CNTLN: variants seen among roughly 807,000 people sequenced by gnomAD.
The protein encoded by CNTLN is centlein, centrosomal protein.
Under a neutral mutation model 180.0 loss-of-function variants are expected in CNTLN, and 212 were observed. That is an observed-to-expected ratio of 1.18 (90% CI 1.05 to 1.32). The LOEUF is 1.32. Ranked by LOEUF, CNTLN falls within the 40% of genes most tolerant of loss-of-function variation. The pLI, the probability that CNTLN is intolerant of heterozygous loss-of-function variation, is 0.00. For missense variants in CNTLN, 2,095 were observed against 1,610.9 expected (o/e 1.30, Z -5.14); for synonymous variants, 722 against 563.1 (o/e 1.28, Z -3.99).
chr9:17,434,990 A>G (rs1229006241), intron 18 of CNTLN, among the ~76,000 whole-genome samples: 1 of 152,188 alleles, frequency 6.6e-6, no homozygotes, highest in Non-Finnish European at 1.5e-5. Flanking sequence ...TTTGTCTTTC[A>G]TTATTAAAAG....
chr9:17,253,589 A>G (rs1235446272), intron 5 of CNTLN, among the ~76,000 whole-genome samples: 1 of 151,288 alleles, frequency 6.6e-6, no homozygotes, highest in African/African-American at 2.4e-5. Flanking sequence ...ATGTATGGAA[A>G]TGCTACTTAT....
chr9:17,528,233 C>T, the CNTLN span, among the ~76,000 whole-genome samples: 1 of 152,142 alleles, frequency 6.6e-6, no homozygotes. Context: ...AGCAGCTGTA[C>T]AGTGGAGAAA....
intron 23 of CNTLN, among the ~76,000 whole-genome samples, chr9:17,481,344 C>T (rs7030750): frequency 0.073 from 11,105 of 152,216 alleles, 1,365 homozygotes; most frequent in African/African-American, 0.25. Context: ...AGCTGACAGC[C>T]CCATCCAACC....
chr9:17,201,579 C>T (rs989386851), intron 2 of CNTLN, among the ~76,000 whole-genome samples: 2 of 152,078 alleles, frequency 1.3e-5, no homozygotes, highest in Non-Finnish European at 2.9e-5. Flanking sequence ...TGTATGTGTG[C>T]AGGAATTTAT....
At chr9:17,237,371 ACACAC>A (rs1825213976) in intron 5 of CNTLN, among the ~76,000 whole-genome samples, 4 of 131,672 alleles carry the variant, frequency 3.0e-5, no homozygotes, top group Non-Finnish European at 4.8e-5. Flanking sequence ...ACACACACAC[ACACAC>A]ACACACACAC....
chr9:17,481,078 C>A (rs1268150676), intron 23 of CNTLN, among the ~76,000 whole-genome samples: 2 of 152,084 alleles, frequency 1.3e-5, no homozygotes, highest in Non-Finnish European at 2.9e-5. Flanking sequence ...GCTTACGTAC[C>A]CACCCAGGCA....
At chr9:17,285,023 C>CT (rs1828895484) in intron 6 of CNTLN, among the ~76,000 whole-genome samples, 1 of 148,654 alleles carries the variant, frequency 6.7e-6, no homozygotes, top group African/African-American at 2.5e-5. Context: ...TTTAATTATA[C>CT]TTTAAGTTTT....
chr9:17,336,780 A>C (rs1318508026), intron 10 of CNTLN, among the ~76,000 whole-genome samples: 1 of 152,218 alleles, frequency 6.6e-6, no homozygotes, highest in African/African-American at 2.4e-5. Context: ...ATAGGTGTAC[A>C]TGTGCCATGG....
At chr9:17,345,952 C>T (rs1821847185) in intron 12 of CNTLN, among the ~76,000 whole-genome samples, 1 of 152,094 alleles carries the variant, frequency 6.6e-6, no homozygotes, top group African/African-American at 2.4e-5. Flanking sequence ...AATAAGTTGG[C>T]TGGTAAGAAA....
At chr9:17,332,534 C>A in intron 9 of CNTLN, 71 bp from the exon 10 acceptor site, 2 of 1,382,924 alleles carry the variant, frequency 1.4e-6, no homozygotes, top group Non-Finnish European at 1.9e-6. Flanking sequence ...ATTACTTGTT[C>A]TTTAATTTTG....
rs140400173 is a variant in CNTLN, at chr9:17,365,997, A to G, written c.1887-620A>G. Among the ~76,000 whole-genome samples, 554 of 152,334 alleles carry G rather than the reference A, an allele frequency of 3.6e-3. 1 individual carries two copies. Among genetic ancestry groups the G allele is most frequent in the African/African-American group, 0.012 (491 of 41,576 alleles). ...TTTAATACATAATTTTTAAAATTAT[A>G]TAGTCTGTATTTTAAGTGTTTAGCA... is the stretch of plus-strand genomic sequence containing the variant. On this transcript the variant is annotated intron_variant, in intron 12 of 25. Coordinates refer to ENST00000380647, the MANE Select transcript of CNTLN (RefSeq NM_017738.4).
At chr9:17,271,630 A>G (rs1320434512) in intron 5 of CNTLN, among the ~76,000 whole-genome samples, 2 of 152,178 alleles carry the variant, frequency 1.3e-5, no homozygotes, top group African/African-American at 4.8e-5. Context: ...CTGCTTTATC[A>G]TGATGAATGG....
intron 24 of CNTLN, 40 bp downstream of exon 24, chr9:17,484,520 T>C (rs752808308): frequency 2.3e-5 from 33 of 1,453,838 alleles, no homozygotes; most frequent in Non-Finnish European, 3.1e-5. Flanking sequence ...GGGTTTATTA[T>C]ACACTGGACT....
intron 23 of CNTLN, among the ~76,000 whole-genome samples, chr9:17,478,146 T>C (rs2134277174): frequency 1.3e-5 from 2 of 152,358 alleles, no homozygotes; most frequent in Middle Eastern, 3.4e-3. Context: ...TTAAGATATG[T>C]ACATTTCTTA....
chr9:17,517,678 G>A, the CNTLN span, among the ~76,000 whole-genome samples: 13 of 152,016 alleles, frequency 8.6e-5, no homozygotes, highest in Non-Finnish European at 1.8e-4. Flanking sequence ...CAGACCCATG[G>A]GACATTCTCT....
At chr9:17,268,252 T>A (rs201623491) in intron 5 of CNTLN, among the ~76,000 whole-genome samples, 175 of 152,314 alleles carry the variant, frequency 1.1e-3, no homozygotes, top group Non-Finnish European at 1.7e-3. Context: ...TTTCCTTCTA[T>A]CAGACAGGAC....
chr9:17,400,032 T>G (rs1023394876), intron 15 of CNTLN, among the ~76,000 whole-genome samples: 9 of 152,166 alleles, frequency 5.9e-5, no homozygotes, highest in Admixed American at 2.0e-4. Flanking sequence ...TAAATAGATT[T>G]GTTTGGTTTT....
intron 8 of CNTLN, among the ~76,000 whole-genome samples, chr9:17,320,000 C>T (rs539307699): frequency 1.1e-3 from 161 of 152,190 alleles, no homozygotes; most frequent in African/African-American, 3.6e-3. Context: ...TATCTCAAAG[C>T]GATTGTTTAT....
At chr9:17,271,296 G>C (rs948288622) in intron 5 of CNTLN, among the ~76,000 whole-genome samples, 2 of 152,056 alleles carry the variant, frequency 1.3e-5, no homozygotes, top group African/African-American at 4.8e-5. Flanking sequence ...CATAAATCAT[G>C]CACCAGATTT....
Sources: gnomAD v4.1 joint callset for allele counts (sites outside exome capture counted in the v4.1 genomes callset) on GRCh38, gnomAD v4.1.1 for gene constraint, MANE v1.5 for transcripts, NCBI Gene and HGNC (gene_info 2026-07-23, HGNC 2026-07-21) for gene names.